The following GALNT14 variants were observed in gnomAD, a reference collection of about 807,000 sequenced individuals.
GALNT14 encodes UDP-GalNAc:polypeptide N-acetylgalactosaminyltransferase 14.
GALNT14 carries 60 observed loss-of-function variants against 77.5 expected under a neutral mutation model. That is an observed-to-expected ratio of 0.77 (90% CI 0.63 to 0.96). GALNT14 has a LOEUF of 0.96. Ranked by LOEUF, GALNT14 falls within the 40% of genes least tolerant of loss-of-function variation. The probability of loss-of-function intolerance (pLI) is 0.00; values close to 1 mark genes in which losing one functional copy is unlikely to be tolerated. For missense variants in GALNT14, 710 were observed against 731.0 expected (o/e 0.97, Z 0.33); for synonymous variants, 280 against 281.7 (o/e 0.99, Z 0.06).
chr2:30,966,330 G>A (rs771045243), intron 2 of GALNT14, 28 bp from the exon 3 acceptor site: 4 of 1,526,828 alleles, frequency 2.6e-6, no homozygotes, highest in East Asian at 4.5e-5. Context: ...CAGGGCAAGT[G>A]AGACCTTCAG....
intron 1 of GALNT14, among the ~76,000 whole-genome samples, chr2:31,066,661 G>A (rs916667198): frequency 2.0e-5 from 3 of 152,068 alleles, no homozygotes; most frequent in Non-Finnish European, 2.9e-5. Flanking sequence ...TGGTTTCTGT[G>A]AAGAGCCGGA....
At chr2:31,100,438 TTTA>T (rs1677212624) in intron 1 of GALNT14, among the ~76,000 whole-genome samples, 1 of 152,064 alleles carries the variant, frequency 6.6e-6, no homozygotes, top group Non-Finnish European at 1.5e-5. Context: ...ATGGAATTCT[TTTA>T]TTGTTTGAAA....
At chr2:31,093,139 T>C (rs1251062776) in intron 1 of GALNT14, among the ~76,000 whole-genome samples, 1 of 152,134 alleles carries the variant, frequency 6.6e-6, no homozygotes, top group Non-Finnish European at 1.5e-5. Context: ...GAAAGTGTAA[T>C]ATCTCTGCCC....
At chr2:31,005,928 G>T (rs1670645425) in intron 1 of GALNT14, among the ~76,000 whole-genome samples, 1 of 152,236 alleles carries the variant, frequency 6.6e-6, no homozygotes, top group African/African-American at 2.4e-5. Flanking sequence ...CGTGGAGAGT[G>T]GGGGCTGGAG....
chr2:31,124,008 G>A (rs980670372), intron 1 of GALNT14, among the ~76,000 whole-genome samples: 1 of 152,194 alleles, frequency 6.6e-6, no homozygotes, highest in Non-Finnish European at 1.5e-5. Flanking sequence ...GGCCAGCAGA[G>A]AGCCACTGCT....
chr2:30,933,070 G>C (rs1450833902), intron 9 of GALNT14, among the ~76,000 whole-genome samples: 1 of 152,182 alleles, frequency 6.6e-6, no homozygotes, highest in African/African-American at 2.4e-5. Context: ...CTTCTGCCCT[G>C]AGAAGGAAGT....
At chr2:31,088,252 A>G (rs1362387494) in intron 1 of GALNT14, among the ~76,000 whole-genome samples, 4 of 152,178 alleles carry the variant, frequency 2.6e-5, no homozygotes, top group African/African-American at 9.6e-5. Flanking sequence ...CCGCTTCTAG[A>G]AGTCTGGCTA....
intron 1 of GALNT14, among the ~76,000 whole-genome samples, chr2:31,119,312 A>G (rs1223205843): frequency 6.6e-6 from 1 of 152,204 alleles, no homozygotes; most frequent in Non-Finnish European, 1.5e-5. Flanking sequence ...TGCAACATAT[A>G]TGACTAATAA....
At chr2:31,028,915 G>T (rs1467562724) in intron 1 of GALNT14, among the ~76,000 whole-genome samples, 2 of 152,180 alleles carry the variant, frequency 1.3e-5, no homozygotes, top group Non-Finnish European at 2.9e-5. Flanking sequence ...AAAGTTGAGG[G>T]ATTGGCCATG....
chr2:31,118,271 TC>T (rs1338952124), intron 1 of GALNT14, among the ~76,000 whole-genome samples: 1 of 152,172 alleles, frequency 6.6e-6, no homozygotes, highest in Non-Finnish European at 1.5e-5. Context: ...CTTCCCTAAT[TC>T]ATTTTATCAA....
At chr2:31,091,850 T>C (rs1004977375) in intron 1 of GALNT14, among the ~76,000 whole-genome samples, 1 of 152,156 alleles carries the variant, frequency 6.6e-6, no homozygotes, top group African/African-American at 2.4e-5. Flanking sequence ...TGTGAGGGTG[T>C]TGCCAAGGAG....
At chr2:31,128,356 G>A (rs888126007) in intron 1 of GALNT14, among the ~76,000 whole-genome samples, 3 of 152,130 alleles carry the variant, frequency 2.0e-5, no homozygotes, top group African/African-American at 7.2e-5. Context: ...TGCAGGCAGG[G>A]CACCCTCTAC....
At chr2:31,006,291 A>G (rs745879806) in intron 1 of GALNT14, among the ~76,000 whole-genome samples, 4 of 152,104 alleles carry the variant, frequency 2.6e-5, no homozygotes, top group Non-Finnish European at 5.9e-5. Context: ...TGGCTTTAAA[A>G]AGTGACTACT....
chr2:30,994,156 T>C (rs1669882415), intron 1 of GALNT14, among the ~76,000 whole-genome samples: 1 of 152,226 alleles, frequency 6.6e-6, no homozygotes, highest in Non-Finnish European at 1.5e-5. Flanking sequence ...ATGAGGGTTG[T>C]TGGTATGCTG....
chr2:30,947,945 T>C (rs1182455091), intron 6 of GALNT14, among the ~76,000 whole-genome samples: 1 of 152,222 alleles, frequency 6.6e-6, no homozygotes, highest in South Asian at 2.1e-4. Flanking sequence ...ATGTCACAGA[T>C]GGTTCATTCA....
chr2:31,078,901 G>A, intron 1 of GALNT14: 1 of 1,288,946 alleles, frequency 7.8e-7, no homozygotes, highest in Non-Finnish European at 1.0e-6. Flanking sequence ...GGGACCAGGA[G>A]AGCAAAGGAC....
intron 1 of GALNT14, among the ~76,000 whole-genome samples, chr2:31,064,404 C>T (rs1558539304): frequency 6.6e-6 from 1 of 152,168 alleles, no homozygotes; most frequent in South Asian, 2.1e-4. Flanking sequence ...TCCAGACCTC[C>T]CTCAGAGGCC....
At chr2:30,911,104 A>G in intron 14 of GALNT14, 45 bp from the exon 15 acceptor site, 1 of 1,581,570 alleles carries the variant, frequency 6.3e-7, no homozygotes, top group East Asian at 2.2e-5. Flanking sequence ...TGCCATCAGT[A>G]ACATGGGAGT....
intron 1 of GALNT14, among the ~76,000 whole-genome samples, chr2:31,114,557 C>T (rs1045999953): frequency 2.0e-4 from 30 of 152,150 alleles, no homozygotes; most frequent in African/African-American, 6.3e-4. Flanking sequence ...CTTAGAAGAT[C>T]AAGTAGAAAA....
Sources: allele counts gnomAD v4.1 joint callset (sites outside exome capture counted in the v4.1 genomes callset), GRCh38; gene constraint gnomAD v4.1.1; transcripts MANE v1.5; gene names NCBI Gene and HGNC (gene_info 2026-07-23, HGNC 2026-07-21).